Variants in DNM3 observed in about 807,000 individuals in gnomAD.
DNM3 encodes the protein dynamin 3.
Under a neutral mutation model 101.6 loss-of-function variants are expected in DNM3, and 47 were observed. That is an observed-to-expected ratio of 0.46 (90% CI 0.37 to 0.59). DNM3 has a LOEUF of 0.59. Ranked by LOEUF, DNM3 falls within the 20% of genes least tolerant of loss-of-function variation. The pLI, the probability that DNM3 is intolerant of heterozygous loss-of-function variation, is 0.00. For missense variants in DNM3, 849 were observed against 1,085.7 expected (o/e 0.78, Z 3.06); for synonymous variants, 385 against 387.9 (o/e 0.99, Z 0.09).
intron 2 of DNM3, among the ~76,000 whole-genome samples, chr1:171,929,876 C>T (rs937942894): frequency 5.3e-5 from 8 of 152,188 alleles, no homozygotes; most frequent in African/African-American, 1.4e-4. Context: ...TGCTGAAGGA[C>T]GGCTTTTCCC....
At chr1:172,149,283 T>G (rs911592568) in intron 14 of DNM3, among the ~76,000 whole-genome samples, 1 of 152,204 alleles carries the variant, frequency 6.6e-6, no homozygotes, top group Non-Finnish European at 1.5e-5. Flanking sequence ...GTTACGTCTT[T>G]GAATTTTACT....
chr1:171,905,541 G>C (rs982629782), intron 1 of DNM3, among the ~76,000 whole-genome samples: 2 of 152,152 alleles, frequency 1.3e-5, no homozygotes, highest in Non-Finnish European at 2.9e-5. Flanking sequence ...GAGGGCCTGA[G>C]GGAGACCTGT....
At chr1:172,145,440 C>T (rs771684759) in intron 14 of DNM3, among the ~76,000 whole-genome samples, 1 of 149,246 alleles carries the variant, frequency 6.7e-6, no homozygotes. Flanking sequence ...CCCTCCTTCT[C>T]CTGTCTGTTG....
intron 14 of DNM3, among the ~76,000 whole-genome samples, chr1:172,245,434 G>A (rs975861099): frequency 6.6e-6 from 1 of 152,190 alleles, no homozygotes; most frequent in Non-Finnish European, 1.5e-5. Context: ...AAGCACAAGG[G>A]ATCAGATGGG....
chr1:172,202,482 T>G (rs766446038), intron 14 of DNM3, among the ~76,000 whole-genome samples: 15 of 152,210 alleles, frequency 9.9e-5, no homozygotes, highest in Non-Finnish European at 1.8e-4. Context: ...TCAAATATCC[T>G]ACTTATTACC....
At chr1:172,041,553 C>A (rs1164777806) in intron 7 of DNM3, among the ~76,000 whole-genome samples, 3 of 152,086 alleles carry the variant, frequency 2.0e-5, no homozygotes, top group Non-Finnish European at 2.9e-5. Context: ...GCCCTTGAAG[C>A]TATGGCAACC....
chr1:171,967,329 T>C (rs536956868), intron 2 of DNM3, among the ~76,000 whole-genome samples: 1 of 152,100 alleles, frequency 6.6e-6, no homozygotes, highest in African/African-American at 2.4e-5. Flanking sequence ...ATTTCTACCA[T>C]TTTTTAGTTT....
intron 2 of DNM3, among the ~76,000 whole-genome samples, chr1:171,940,086 G>C (rs1235486117): frequency 6.6e-6 from 1 of 152,144 alleles, no homozygotes; most frequent in South Asian, 2.1e-4. Flanking sequence ...TTGGTTGTTA[G>C]GGTGTCTGAA....
intron 13 of DNM3, among the ~76,000 whole-genome samples, chr1:172,130,082 T>G (rs552936929): frequency 6.6e-6 from 1 of 152,278 alleles, no homozygotes; most frequent in East Asian, 1.9e-4. Flanking sequence ...GGATTGGCCT[T>G]CCTTCTTCAA....
intron 14 of DNM3, among the ~76,000 whole-genome samples, chr1:172,201,468 CAA>C (rs1356410239): frequency 6.6e-6 from 1 of 152,126 alleles, no homozygotes; most frequent in Non-Finnish European, 1.5e-5. Flanking sequence ...GCCTTCACCC[CAA>C]AGAGATGCAG....
At position 172,055,983 on chromosome 1, in the gene DNM3, G is replaced by A. The variant is rs138442018; in HGVS notation, c.1335+7233G>A. ...ACAGTGGGCGCAGGTCAGTGGGTGC[G>A]TGCACCGTGCACGAGCCGAAGCAGG... On this transcript the variant is annotated intron_variant, in intron 10 of 20. Coordinates refer to ENST00000627582, the MANE Select transcript of DNM3 (RefSeq NM_015569.5). 6.0e-3 allele frequency among the ~76,000 whole-genome samples: 920 copies of A among 152,242 alleles called. 10 individuals are homozygous for A. Among genetic ancestry groups the A allele is most frequent in the African/African-American group, 0.021 (868 of 41,540 alleles).
rs760162806 is a variant in DNM3 at position 172,080,671 on chromosome 1, A to G, written c.1423-1161A>G. Among the ~76,000 whole-genome samples the G allele has an allele frequency of 2.3e-4, 35 of 152,260 alleles. 1 individual carries two copies. The highest frequency in any genetic ancestry group is 1.7e-3 in the South Asian group (8 of 4,820). On this transcript the variant is annotated intron_variant, in intron 11 of 20. Transcript: ENST00000627582. ...CTGGCATTCCAGGTGCCACTGGGGT[A>G]TGGAAAAAGAACTTCTGCATCTAGC...
chr1:172,143,464 T>C (rs979967462), intron 14 of DNM3, among the ~76,000 whole-genome samples: 2 of 152,076 alleles, frequency 1.3e-5, no homozygotes, highest in Non-Finnish European at 2.9e-5. Context: ...CTCTATTATT[T>C]TCTCTATTAG....
At chr1:172,258,998 CTT>C (rs1378120889) in intron 15 of DNM3, among the ~76,000 whole-genome samples, 3 of 151,622 alleles carry the variant, frequency 2.0e-5, no homozygotes, top group Admixed American at 2.0e-4. Flanking sequence ...TAATTTTTCT[CTT>C]GACTCAATTG....
At chr1:172,076,256 T>C (rs1179325841) in intron 11 of DNM3, among the ~76,000 whole-genome samples, 2 of 152,244 alleles carry the variant, frequency 1.3e-5, no homozygotes, top group Admixed American at 1.3e-4. Flanking sequence ...TCATGTCATC[T>C]GCAAAGAGAG....
chr1:172,145,320 G>GTC (rs1289156505), intron 14 of DNM3, among the ~76,000 whole-genome samples: 205 of 149,058 alleles, frequency 1.4e-3, no homozygotes, highest in African/African-American at 4.4e-3. Flanking sequence ...CTGTCTGTCT[G>GTC]TCTGTCTCTC....
chr1:171,967,985 A>G (rs938096738), intron 2 of DNM3, among the ~76,000 whole-genome samples: 2 of 152,086 alleles, frequency 1.3e-5, no homozygotes, highest in African/African-American at 4.8e-5. Flanking sequence ...CTCCTACTAA[A>G]CTGCCTTTTG....
chr1:171,917,608 G>A (rs1016127733), intron 1 of DNM3, among the ~76,000 whole-genome samples: 10 of 152,168 alleles, frequency 6.6e-5, no homozygotes, highest in African/African-American at 2.4e-4. Flanking sequence ...CATCCAGAGG[G>A]AAGCACTCTC....
intron 1 of DNM3, among the ~76,000 whole-genome samples, chr1:171,919,009 G>C (rs2039943976): frequency 6.6e-6 from 1 of 151,836 alleles, no homozygotes; most frequent in Non-Finnish European, 1.5e-5. Flanking sequence ...TTTTCTTGAA[G>C]AAAATATTTT....
Sources: gnomAD v4.1 joint callset for allele counts (sites outside exome capture counted in the v4.1 genomes callset) on GRCh38, gnomAD v4.1.1 for gene constraint, MANE v1.5 for transcripts, NCBI Gene and HGNC (gene_info 2026-07-23, HGNC 2026-07-21) for gene names.